The following PIBF1 variants were observed in gnomAD, a reference collection of about 807,000 sequenced individuals.
PIBF1 encodes progesterone-induced-blocking factor 1.
PIBF1 carries 90 observed loss-of-function variants against 112.5 expected under a neutral mutation model. That is an observed-to-expected ratio of 0.80 (90% CI 0.67 to 0.95). The LOEUF (loss-of-function observed/expected upper bound fraction) is 0.95, where lower values mean the gene tolerates loss of function less well. Ranked by LOEUF, PIBF1 falls within the 40% of genes least tolerant of loss-of-function variation. The pLI, the probability that PIBF1 is intolerant of heterozygous loss-of-function variation, is 0.00. For missense variants in PIBF1, 915 were observed against 852.3 expected, an observed-to-expected ratio of 1.07 and a Z score of -0.92; for synonymous variants, 301 against 288.6, an observed-to-expected ratio of 1.04 and a Z score of -0.44.
intron 15 of PIBF1, among the ~76,000 whole-genome samples, chr13:72,965,954 G>T (rs949444381): frequency 2.0e-5 from 3 of 151,972 alleles, no homozygotes; most frequent in African/African-American, 7.2e-5. Flanking sequence ...AAAAAAATTT[G>T]CTATGACCAG....
At chr13:72,926,189 G>GGT (rs2041478543) in intron 13 of PIBF1, among the ~76,000 whole-genome samples, 1 of 151,972 alleles carries the variant, frequency 6.6e-6, no homozygotes, top group Non-Finnish European at 1.5e-5. Context: ...TATTTCCATT[G>GGT]GACAAAGCTG....
chr13:72,808,424 G>C (rs1257394964), intron 5 of PIBF1, among the ~76,000 whole-genome samples: 1 of 152,108 alleles, frequency 6.6e-6, no homozygotes, highest in Non-Finnish European at 1.5e-5. Context: ...ACTTAAAATT[G>C]TTTAGACCAT....
chr13:72,882,461 C>T (rs1330305422), intron 10 of PIBF1, among the ~76,000 whole-genome samples: 5 of 152,130 alleles, frequency 3.3e-5, no homozygotes, highest in African/African-American at 7.2e-5. Context: ...AGAAAACCTC[C>T]TGCATAGCAA....
In PIBF1 at chr13:72,924,666, G is replaced by A. The variant is rs559632811; in HGVS notation, c.1731-6499G>A. Among the ~76,000 whole-genome samples the A allele has an allele frequency of 5.9e-5, 9 of 151,962 alleles. No homozygotes were observed. In the East Asian group the frequency reaches 1.5e-3, roughly 26 times the overall value. Reference sequence around the variant, plus strand: ...AGGAGGTCAAGACTGCAGTAGCCATGTTTGCACCATTGCACTTCCTGGCCT... The same window carrying A: ...AGGAGGTCAAGACTGCAGTAGCCATATTTGCACCATTGCACTTCCTGGCCT... On this transcript the variant is annotated intron_variant, in intron 13 of 17. Coordinates refer to ENST00000326291, the MANE Select transcript of PIBF1 (RefSeq NM_006346.4).
At chr13:72,935,575 G>A (rs767257673) in intron 14 of PIBF1, among the ~76,000 whole-genome samples, 7 of 152,184 alleles carry the variant, frequency 4.6e-5, no homozygotes, top group East Asian at 1.9e-4. Context: ...TAGACTGGCC[G>A]GATCATATCG....
intron 5 of PIBF1, among the ~76,000 whole-genome samples, chr13:72,821,313 G>A (rs925717411): frequency 1.3e-5 from 2 of 152,134 alleles, no homozygotes; most frequent in African/African-American, 4.8e-5. Context: ...ACTGACATGG[G>A]GAGAGTAGAG....
intron 12 of PIBF1, among the ~76,000 whole-genome samples, chr13:72,911,943 T>A (rs2138671055): frequency 6.8e-6 from 1 of 147,806 alleles, no homozygotes; most frequent in Admixed American, 6.8e-5. Context: ...TAGCCTGACA[T>A]GGTGAGACCC....
At chr13:72,814,281 C>T (rs905776671) in intron 5 of PIBF1, among the ~76,000 whole-genome samples, 1 of 151,610 alleles carries the variant, frequency 6.6e-6, no homozygotes, top group East Asian at 2.0e-4. Flanking sequence ...ACTAAAAATA[C>T]AAAAATTAGC....
chr13:72,915,714 C>T (rs2041067036), intron 12 of PIBF1, among the ~76,000 whole-genome samples: 1 of 152,140 alleles, frequency 6.6e-6, no homozygotes, highest in South Asian at 2.1e-4. Context: ...TCATCTCTTC[C>T]ATGTGTCTCT....
At chr13:73,013,731 C>CAAAAAAA (rs113104076) in intron 17 of PIBF1, among the ~76,000 whole-genome samples, 11 of 113,046 alleles carry the variant, frequency 9.7e-5, no homozygotes, top group East Asian at 3.1e-4. Flanking sequence ...GAGCCTATCT[C>CAAAAAAA]AAAAAAAAAA....
rs892312169 is a variant in PIBF1 at position 72,886,574 on chromosome 13, A to AT, written c.1323-7203dup. 2.2e-4 allele frequency among the ~76,000 whole-genome samples: 33 copies of AT among 151,888 alleles called. 1 individual carries two copies. Among genetic ancestry groups the AT allele is most frequent in the Admixed American group, 1.8e-3 (28 of 15,236 alleles). ...TACTCTTCACATACCTGTAGTACCT[A>AT]TTTTTTTGACTTTATAAGATGGCCA... On this transcript the variant is annotated intron_variant, in intron 10 of 17. Coordinates refer to ENST00000326291, the MANE Select transcript of PIBF1 (RefSeq NM_006346.4).
chr13:73,001,582 C>CTTGTTTTTTTTTTTTT (rs2043867684), intron 17 of PIBF1, among the ~76,000 whole-genome samples: 3 of 29,160 alleles, frequency 1.0e-4, no homozygotes, highest in South Asian at 2.1e-3. Context: ...AAGAGCTTGA[C>CTTGTTTTTTTTTTTTT]TTTTTTTTTT....
chr13:72,991,629 C>T (rs2043484259), intron 16 of PIBF1, among the ~76,000 whole-genome samples: 1 of 152,050 alleles, frequency 6.6e-6, no homozygotes, highest in Non-Finnish European at 1.5e-5. Context: ...TGGCTCACAC[C>T]TGTAATCCCA....
chr13:72,914,281 A>T (rs1237897299), intron 12 of PIBF1, among the ~76,000 whole-genome samples: 8 of 152,122 alleles, frequency 5.3e-5, no homozygotes, highest in African/African-American at 7.2e-5. Context: ...GTAATCAAAT[A>T]AGTATTATTT....
At chr13:72,940,222 G>C (rs2041975474) in intron 14 of PIBF1, among the ~76,000 whole-genome samples, 1 of 151,564 alleles carries the variant, frequency 6.6e-6, no homozygotes, top group African/African-American at 2.4e-5. Flanking sequence ...TCTTTTTTCT[G>C]CTTTTCTTTT....
chr13:72,927,514 TTAAAA>T (rs1257975617), intron 13 of PIBF1, among the ~76,000 whole-genome samples: 1 of 151,562 alleles, frequency 6.6e-6, no homozygotes, highest in East Asian at 1.9e-4. Context: ...AAAATAAAAA[TTAAAA>T]TAAAAAAAAG....
intron 8 of PIBF1, among the ~76,000 whole-genome samples, chr13:72,831,151 CCT>C (rs983598742): frequency 2.0e-5 from 3 of 150,640 alleles, no homozygotes; most frequent in African/African-American, 7.3e-5. Context: ...TTTGGTTCTT[CCT>C]CTCTTCTTTA....
At chr13:72,820,076 A>G (rs1303736504) in intron 5 of PIBF1, among the ~76,000 whole-genome samples, 3 of 152,184 alleles carry the variant, frequency 2.0e-5, no homozygotes, top group Non-Finnish European at 2.9e-5. Flanking sequence ...AAGAGGAAGC[A>G]TTATAACAAT....
intron 9 of PIBF1, among the ~76,000 whole-genome samples, chr13:72,843,009 A>G (rs560281514): frequency 8.0e-4 from 122 of 152,296 alleles, no homozygotes; most frequent in African/African-American, 2.8e-3. Context: ...TTCAGGTTGC[A>G]TAGGAATTTA....
Sources: gnomAD v4.1 joint callset for allele counts (sites outside exome capture counted in the v4.1 genomes callset) on GRCh38, gnomAD v4.1.1 for gene constraint, MANE v1.5 for transcripts, NCBI Gene and HGNC (gene_info 2026-07-23, HGNC 2026-07-21) for gene names.